Variants in SIN3A observed in about 807,000 individuals in gnomAD.
SIN3A encodes the protein paired amphipathic helix protein Sin3a.
Under a neutral mutation model 146.1 loss-of-function variants are expected in SIN3A, and 14 were observed. The ratio of observed to expected loss-of-function variants is 0.10; its 90% CI spans 0.06 to 0.15. The LOEUF (loss-of-function observed/expected upper bound fraction) is 0.15. SIN3A is among the 10% of genes least tolerant of loss of function. The pLI, the probability that SIN3A is intolerant of heterozygous loss-of-function variation, is 1.00. For synonymous variants in SIN3A, 572 were observed against 572.0 expected (o/e 1.00, Z 0.00); for missense variants, 1,028 against 1,576.0 (o/e 0.65, Z 5.89).
chr15:75,398,979 A>G (rs571954659), intron 12 of SIN3A, among the ~76,000 whole-genome samples: 30 of 151,914 alleles, frequency 2.0e-4, no homozygotes, highest in South Asian at 8.3e-4. Context: ...AAGCACATGT[A>G]TATCTATGTA....
At chr15:75,390,837 A>T (rs1190374718) in intron 15 of SIN3A, among the ~76,000 whole-genome samples, 3 of 152,190 alleles carry the variant, frequency 2.0e-5, no homozygotes, top group African/African-American at 7.2e-5. Context: ...CGGCCTCCCA[A>T]AGTGCTGGGA....
intron 11 of SIN3A, 22 bp from the exon 12 acceptor site, chr15:75,400,178 C>A: frequency 7.2e-7 from 1 of 1,385,312 alleles, no homozygotes; most frequent in Non-Finnish European, 1.0e-6. Context: ...AGAAGAGAGA[C>A]TGAAACAAAA....
chr15:75,386,252 T>C (rs781616323), intron 16 of SIN3A, among the ~76,000 whole-genome samples: 3 of 152,222 alleles, frequency 2.0e-5, no homozygotes, highest in Non-Finnish European at 1.5e-5. Flanking sequence ...GATCTCAAAC[T>C]TCTGAGCTCA....
intron 20 of SIN3A, among the ~76,000 whole-genome samples, chr15:75,375,372 C>G (rs2072835833): frequency 6.6e-6 from 1 of 152,138 alleles, no homozygotes. Context: ...AGCAAAGAAC[C>G]AGAAGCTAGG....
Position 75,394,774 on chromosome 15 carries a change from GACTT to G in SIN3A, c.2179_2182del (p.Lys727LeufsTer17). ...AAAGTTGATCCCCTGGTGGTCCAGA[GACTT>G]CAAGTAGTATTTCTCATTTTGTTCT... On this transcript the variant is annotated frameshift_variant, in exon 14 of 21. Coordinates refer to ENST00000394947, the MANE Select transcript of SIN3A (RefSeq NM_001145358.2). LOFTEE classifies it high-confidence loss of function. 6.2e-7 allele frequency: 1 copy of G among 1,614,094 alleles called. No homozygotes were observed. Among genetic ancestry groups the G allele is most frequent in the Non-Finnish European group, 8.5e-7 (1 of 1,179,956 alleles).
At chr15:75,424,577 T>C (rs1272095697) in intron 2 of SIN3A, among the ~76,000 whole-genome samples, 3 of 152,082 alleles carry the variant, frequency 2.0e-5, no homozygotes, top group Non-Finnish European at 4.4e-5. Flanking sequence ...CAGGCTCAGA[T>C]GATCCTCCCA....
intron 14 of SIN3A, 91 bp from the exon 15 acceptor site, chr15:75,392,906 A>G: frequency 1.1e-6 from 1 of 948,106 alleles, no homozygotes; most frequent in East Asian, 2.4e-5. Flanking sequence ...CCCATTATCA[A>G]CCACAGTGTC....
intron 2 of SIN3A, among the ~76,000 whole-genome samples, chr15:75,428,720 C>T (rs970802116): frequency 1.5e-4 from 23 of 152,094 alleles, no homozygotes; most frequent in African/African-American, 5.1e-4. Context: ...TGATCTCAAA[C>T]TCCTGGGCTC....
At chr15:75,402,543 G>A (rs746560517) in intron 9 of SIN3A, among the ~76,000 whole-genome samples, 30 of 151,926 alleles carry the variant, frequency 2.0e-4, no homozygotes, top group Non-Finnish European at 3.2e-4. Context: ...AAATAAAAAC[G>A]GGGAAATTTA....
intron 1 of SIN3A, among the ~76,000 whole-genome samples, chr15:75,446,935 G>T (rs938005603): frequency 6.6e-6 from 1 of 151,982 alleles, no homozygotes; most frequent in Non-Finnish European, 1.5e-5. Flanking sequence ...CACCATGCCC[G>T]GCTAACTCTT....
At chr15:75,383,094 G>C (rs1479511521) in intron 17 of SIN3A, among the ~76,000 whole-genome samples, 4 of 150,814 alleles carry the variant, frequency 2.7e-5, no homozygotes, top group African/African-American at 9.8e-5. Context: ...CAACAAGAGT[G>C]AGCCTCCATC....
chr15:75,442,416 T>C (rs1231494816), intron 1 of SIN3A, among the ~76,000 whole-genome samples: 1 of 149,926 alleles, frequency 6.7e-6, no homozygotes, highest in Non-Finnish European at 1.5e-5. Context: ...CAAGCGATCC[T>C]CCCACCTCAG....
At chr15:75,410,512 G>A (rs756455395) in intron 6 of SIN3A, among the ~76,000 whole-genome samples, 2 of 151,780 alleles carry the variant, frequency 1.3e-5, no homozygotes, top group African/African-American at 2.4e-5. Flanking sequence ...TTTTTGAGAC[G>A]GAGTTTCACT....
chr15:75,411,605 T>G lies in SIN3A; in HGVS notation c.895A>C (p.Asn299His). The change falls in exon 6 of 21, where the codon AAT becomes CAT. Residue 299 changes from asparagine (N) to histidine (H), a missense_variant. Physicochemically the swap from Asn to His is moderately conservative, Grantham distance 68. Transcript: ENST00000394947. Reference sequence around the variant, plus strand: ...GCATGATTAAACTCCACAGGTTGATTGTTCTGCAAGGATGGGGCCGTTCCC... The same window carrying G: ...GCATGATTAAACTCCACAGGTTGATGGTTCTGCAAGGATGGGGCCGTTCCC... Reference protein sequence around the residue: ...SLGTAPSLQNNQPVEFNHAIN... With the variant: ...SLGTAPSLQNHQPVEFNHAIN... 6.2e-7 allele frequency: 1 copy of G among 1,614,198 alleles called. No homozygotes were observed. The highest frequency in any genetic ancestry group is 8.5e-7 in the Non-Finnish European group (1 of 1,180,034).
intron 1 of SIN3A, among the ~76,000 whole-genome samples, chr15:75,449,642 T>C (rs1408672109): frequency 6.6e-6 from 1 of 152,122 alleles, no homozygotes; most frequent in East Asian, 1.9e-4. Flanking sequence ...TCCTCTGAAA[T>C]AAAAAGGGCA....
At chr15:75,404,322 G>A (rs1444200942) in intron 9 of SIN3A, among the ~76,000 whole-genome samples, 1 of 151,996 alleles carries the variant, frequency 6.6e-6, no homozygotes. Context: ...GAAGTATAAC[G>A]AACCTATGTA....
At chr15:75,418,731 T>G (rs963266276) in intron 3 of SIN3A, among the ~76,000 whole-genome samples, 1 of 152,006 alleles carries the variant, frequency 6.6e-6, no homozygotes, top group Non-Finnish European at 1.5e-5. Flanking sequence ...GCAGCACTAA[T>G]GGATTGAGAC....
At chr15:75,394,899 G>A (rs762094845) in intron 13 of SIN3A, 36 bp from the exon 14 acceptor site, 2 of 1,583,630 alleles carry the variant, frequency 1.3e-6, no homozygotes, top group Non-Finnish European at 1.7e-6. Flanking sequence ...CAACACATGG[G>A]AATTCAGAGG....
At chr15:75,376,090 A>T (rs1251264960) in intron 19 of SIN3A, 1 of 589,464 alleles carries the variant, frequency 1.7e-6, no homozygotes. Context: ...TACTTGACTT[A>T]GCAGATGTAG....
Sources: allele counts gnomAD v4.1 joint callset (sites outside exome capture counted in the v4.1 genomes callset), GRCh38; gene constraint gnomAD v4.1.1; transcripts MANE v1.5; gene names NCBI Gene and HGNC (gene_info 2026-07-23, HGNC 2026-07-21).